Variants in CWF19L2 observed in about 807,000 individuals in gnomAD.
CWF19L2 encodes the protein CWF19 like cell cycle control factor 2, also known as CWF19-like protein 2.
In CWF19L2, 98 loss-of-function variants were observed where a neutral mutation model predicts 111.7. The observed-to-expected ratio is 0.88, with a 90% CI of 0.75 to 1.04. The LOEUF is 1.04. CWF19L2 is among the 50% of genes least tolerant of loss of function. The pLI, the probability that CWF19L2 is intolerant of heterozygous loss-of-function variation, is 0.00. For missense variants in CWF19L2, 1,101 were observed against 1,051.4 expected (o/e 1.05, Z -0.65); for synonymous variants, 351 against 342.9 (o/e 1.02, Z -0.26).
At chr11:107,365,411 T>C (rs1264901752) in intron 12 of CWF19L2, among the ~76,000 whole-genome samples, 2 of 84,592 alleles carry the variant, frequency 2.4e-5, no homozygotes, top group Non-Finnish European at 4.5e-5. Flanking sequence ...TGAACATTGA[T>C]GCAAAAATCC....
chr11:107,384,691 T>C (rs988196594), intron 12 of CWF19L2, among the ~76,000 whole-genome samples: 2 of 152,224 alleles, frequency 1.3e-5, no homozygotes, highest in African/African-American at 2.4e-5. Flanking sequence ...TTCATTTACA[T>C]ACTGTGTATG....
chr11:107,448,907 A>C (rs1303871155), intron 3 of CWF19L2, among the ~76,000 whole-genome samples: 1 of 152,186 alleles, frequency 6.6e-6, no homozygotes, highest in African/African-American at 2.4e-5. Context: ...CCACCCAGTT[A>C]GTTTTGGTAT....
intron 10 of CWF19L2, among the ~76,000 whole-genome samples, chr11:107,402,033 A>G (rs1186242786): frequency 6.6e-6 from 1 of 152,190 alleles, no homozygotes; most frequent in Admixed American, 6.5e-5. Flanking sequence ...AGCCACATGT[A>G]GGAGAATGAA....
chr11:107,352,346 T>G (rs1289059653), intron 13 of CWF19L2, among the ~76,000 whole-genome samples: 2 of 152,094 alleles, frequency 1.3e-5, no homozygotes, highest in Admixed American at 1.3e-4. Context: ...CTGCTCCCCA[T>G]AAAGCTGTAA....
chr11:107,404,128 T>C, intron 10 of CWF19L2: 3 of 775,536 alleles, frequency 3.9e-6, no homozygotes, highest in African/African-American at 1.7e-5. Flanking sequence ...CTGTCGACTT[T>C]CTTCCTCTAA....
At chr11:107,437,501 A>C (rs974735276) in intron 6 of CWF19L2, among the ~76,000 whole-genome samples, 36 of 152,196 alleles carry the variant, frequency 2.4e-4, no homozygotes, top group African/African-American at 8.4e-4. Flanking sequence ...TATGCAGTAA[A>C]ACCTGCCAAT....
chr11:107,375,529 C>G (rs982146138), intron 12 of CWF19L2, among the ~76,000 whole-genome samples: 1 of 137,500 alleles, frequency 7.3e-6, no homozygotes. Flanking sequence ...CTACTGGGTA[C>G]ATAACGAAAT....
chr11:107,417,318 A>G (rs1194599630), intron 9 of CWF19L2, among the ~76,000 whole-genome samples: 1 of 152,192 alleles, frequency 6.6e-6, no homozygotes, highest in Non-Finnish European at 1.5e-5. Context: ...ACAATAAGTG[A>G]ATGGATGAAT....
chr11:107,425,312 G>C (rs1025122519), intron 8 of CWF19L2, among the ~76,000 whole-genome samples: 1 of 151,642 alleles, frequency 6.6e-6, no homozygotes, highest in Non-Finnish European at 1.5e-5. Context: ...GCATAACGAC[G>C]TTTCACTCAA....
chr11:107,409,425 T>A (rs2135392096), intron 10 of CWF19L2, among the ~76,000 whole-genome samples: 1 of 152,260 alleles, frequency 6.6e-6, no homozygotes, highest in South Asian at 2.1e-4. Context: ...CTCCTCTTTA[T>A]CAGCAGTGTA....
At chr11:107,338,188 A>G (rs1334384291) in intron 14 of CWF19L2, among the ~76,000 whole-genome samples, 1 of 152,060 alleles carries the variant, frequency 6.6e-6, no homozygotes. Context: ...CTCCCCCATT[A>G]GCCACCTGAG....
At chr11:107,393,156 T>C (rs541092960) in intron 10 of CWF19L2, among the ~76,000 whole-genome samples, 6 of 152,262 alleles carry the variant, frequency 3.9e-5, no homozygotes, top group South Asian at 4.1e-4. Flanking sequence ...AATTTTCATC[T>C]AGACAATATT....
chr11:107,420,789 C>T lies in CWF19L2; in HGVS notation c.1434-2502G>A, dbSNP rs183910594. Among the ~76,000 whole-genome samples the T allele has an allele frequency of 1.9e-3, 290 of 152,090 alleles. 3 individuals carry two copies. Among genetic ancestry groups the T allele is most frequent in the African/African-American group, 5.7e-3 (237 of 41,488 alleles). On this transcript the variant is annotated intron_variant, in intron 8 of 17. Transcript: ENST00000282251. The stretch of plus-strand genomic sequence containing the variant: ...ATATACTGTAATAAAAGTTATGTGA[C>T]GGTGGTATCTCTTGCAGAATACTGT...
At chr11:107,456,255 A>C (rs1367061127) in intron 1 of CWF19L2, among the ~76,000 whole-genome samples, 1 of 152,228 alleles carries the variant, frequency 6.6e-6, no homozygotes, top group Non-Finnish European at 1.5e-5. Context: ...ATTTTTATCC[A>C]TTCTTCAATG....
chr11:107,331,924 A>G (rs961396387), intron 16 of CWF19L2, among the ~76,000 whole-genome samples: 2 of 152,238 alleles, frequency 1.3e-5, no homozygotes, highest in African/African-American at 4.8e-5. Flanking sequence ...AAGTGTATGT[A>G]CATTTAGCAC....
chr11:107,382,196 G>A (rs1418302138), intron 12 of CWF19L2, among the ~76,000 whole-genome samples: 3 of 152,140 alleles, frequency 2.0e-5, no homozygotes, highest in African/African-American at 7.2e-5. Context: ...TTAAGAAAGA[G>A]CAAAGCATAC....
intron 3 of CWF19L2, among the ~76,000 whole-genome samples, chr11:107,445,387 T>G (rs1252794588): frequency 1.3e-5 from 2 of 152,050 alleles, no homozygotes; most frequent in Admixed American, 6.5e-5. Flanking sequence ...GGGTGGATCA[T>G]GAGGTCAGGA....
chr11:107,344,582 C>T (rs915521172), intron 14 of CWF19L2, among the ~76,000 whole-genome samples: 9 of 152,158 alleles, frequency 5.9e-5, no homozygotes, highest in Non-Finnish European at 8.8e-5. Context: ...GTGAGAAATG[C>T]GCTGTCATTC....
Position 107,374,228 on chromosome 11 carries a change from T to C in CWF19L2, c.1872+15846A>G, listed in dbSNP as rs1368728313. Among the ~76,000 whole-genome samples, 2 of 124,658 alleles carry C rather than the reference T, an allele frequency of 1.6e-5. 1 individual carries two copies. 81.8% of individuals were successfully genotyped at this position (124,658 alleles called of 152,430 possible). A position where few individuals can be genotyped will look rare whatever the true frequency, so the allele number is the denominator to read the frequency against. ...ATTATCCAGGAGAACTTCCCCAAAC[T>C]AGCAAGGCAGGCCAACGTTCAGATT... On this transcript the variant is annotated intron_variant, in intron 12 of 17. Coordinates refer to ENST00000282251, the MANE Select transcript of CWF19L2 (RefSeq NM_152434.3).
Sources: gnomAD v4.1 joint callset for allele counts (sites outside exome capture counted in the v4.1 genomes callset) on GRCh38, gnomAD v4.1.1 for gene constraint, MANE v1.5 for transcripts, NCBI Gene and HGNC (gene_info 2026-07-23, HGNC 2026-07-21) for gene names.